The following FBXO11 variants were observed in gnomAD, a reference collection of about 807,000 sequenced individuals.
FBXO11 encodes F-box protein 11.
A neutral mutation model predicts 117.0 loss-of-function variants in FBXO11; 13 were observed. The observed-to-expected ratio is 0.11, with a 90% CI of 0.07 to 0.18. The LOEUF (loss-of-function observed/expected upper bound fraction) is 0.18. FBXO11 is among the 10% of genes least tolerant of loss of function. The pLI, the probability that FBXO11 is intolerant of heterozygous loss-of-function variation, is 1.00. For synonymous variants in FBXO11, 490 were observed against 380.5 expected (o/e 1.29, Z -3.35); for missense variants, 767 against 1,164.4 (o/e 0.66, Z 4.97).
intron 16 of FBXO11, among the ~76,000 whole-genome samples, chr2:47,817,270 GAA>G (rs1671071087): frequency 6.6e-6 from 1 of 152,210 alleles, no homozygotes; most frequent in Non-Finnish European, 1.5e-5. Context: ...TCATAGAACT[GAA>G]GAGAGTTGGG....
intron 11 of FBXO11, among the ~76,000 whole-genome samples, chr2:47,826,816 A>C (rs1357719856): frequency 6.6e-6 from 1 of 152,140 alleles, no homozygotes; most frequent in Non-Finnish European, 1.5e-5. Flanking sequence ...CCCAGGATGG[A>C]GTGCAGTGGC....
chr2:47,846,441 T>C (rs1043940578), intron 1 of FBXO11, among the ~76,000 whole-genome samples: 1 of 152,218 alleles, frequency 6.6e-6, no homozygotes, highest in African/African-American at 2.4e-5. Flanking sequence ...CACTCCAGCC[T>C]GGGCAACAAA....
In FBXO11 at chr2:47,839,910, T is replaced by C; in HGVS notation, c.233-141A>G. On this transcript the variant is annotated intron_variant, in intron 1 of 22. Transcript: ENST00000403359. ...GAAATTCCAACCAACTGGATAGCTA[T>C]ATGAAAGAAATGTTAGATTTCTATA... 4 of 654,120 alleles carry C rather than the reference T, an allele frequency of 6.1e-6. No individual in the cohort carries two copies. In the South Asian group the frequency reaches 6.6e-5, roughly 11 times the overall value. 40.5% of individuals were successfully genotyped at this position (654,120 alleles called of 1,614,324 possible).
intron 1 of FBXO11, among the ~76,000 whole-genome samples, chr2:47,895,029 T>C (rs1677551338): frequency 6.6e-6 from 1 of 152,170 alleles, no homozygotes. Flanking sequence ...AGATGCCATA[T>C]TCACACACCT....
intron 1 of FBXO11, among the ~76,000 whole-genome samples, chr2:47,878,772 G>C (rs1046059851): frequency 5.3e-5 from 8 of 151,332 alleles, no homozygotes; most frequent in Non-Finnish European, 1.2e-4. Context: ...GAGGTCAGGA[G>C]TTCGAGACCA....
chr2:47,884,077 G>A (rs535007866), intron 1 of FBXO11, among the ~76,000 whole-genome samples: 11 of 152,192 alleles, frequency 7.2e-5, no homozygotes, highest in African/African-American at 1.9e-4. Flanking sequence ...AAAGTTAGCC[G>A]GGCCTGTGAT....
chr2:47,888,237 G>A (rs1483399778), intron 1 of FBXO11, among the ~76,000 whole-genome samples: 1 of 152,072 alleles, frequency 6.6e-6, no homozygotes, highest in Non-Finnish European at 1.5e-5. Context: ...CTAGAATGAT[G>A]ATACAATTTT....
At chr2:47,866,173 G>T (rs1278143598) in intron 1 of FBXO11, among the ~76,000 whole-genome samples, 1 of 148,956 alleles carries the variant, frequency 6.7e-6, no homozygotes, top group African/African-American at 2.5e-5. Context: ...CTGAGCCCAG[G>T]AGTTTGAGGC....
chr2:47,900,921 T>TAC (rs1388449113), intron 1 of FBXO11, among the ~76,000 whole-genome samples: 1 of 145,198 alleles, frequency 6.9e-6, no homozygotes, highest in Non-Finnish European at 1.5e-5. Flanking sequence ...TGTATATATA[T>TAC]ACACGTATTT....
At chr2:47,853,117 G>C (rs1484563229) in intron 1 of FBXO11, among the ~76,000 whole-genome samples, 8 of 151,634 alleles carry the variant, frequency 5.3e-5, no homozygotes, top group Admixed American at 1.3e-4. Flanking sequence ...TGTCACCCAG[G>C]CTACAGTGCA....
rs1397134943 is a variant in FBXO11, at chr2:47,906,241, C to T, written c.-521G>A. ...GGCTCTTTTTTTTCCCTCTTCCTCC[C>T]CCCCACACCCCCTGAAAGAGATTTC... On this transcript the variant is annotated 5_prime_UTR_variant, in exon 1 of 23. Transcript: ENST00000403359. 1.2e-5 allele frequency: 2 copies of T among 166,142 alleles called. No individual in the cohort carries two copies. Among genetic ancestry groups the T allele is most frequent in the Non-Finnish European group, 2.6e-5 (2 of 76,900 alleles). The allele number at this position is 166,142 out of a possible 1,614,324, so 10.3% of individuals were successfully genotyped here. A position where few individuals can be genotyped will look rare whatever the true frequency, so the allele number is the denominator to read the frequency against.
intron 1 of FBXO11, among the ~76,000 whole-genome samples, chr2:47,879,163 G>A (rs905396377): frequency 2.0e-5 from 3 of 152,052 alleles, no homozygotes; most frequent in African/African-American, 7.2e-5. Flanking sequence ...TCCATTATAT[G>A]GTTTTTCCAT....
At chr2:47,883,680 G>C in intron 1 of FBXO11, 2 of 263,838 alleles carry the variant, frequency 7.6e-6, no homozygotes, top group Non-Finnish European at 1.5e-5. Context: ...ACTTTGTGAT[G>C]TTATCAAGGA....
At chr2:47,853,591 C>G (rs1674050346) in intron 1 of FBXO11, among the ~76,000 whole-genome samples, 1 of 152,076 alleles carries the variant, frequency 6.6e-6, no homozygotes, top group Admixed American at 6.6e-5. Context: ...TTAGTAGCCA[C>G]CCTGTTATCT....
In FBXO11 at chr2:47,835,979, A is replaced by G. The variant is rs1156342963; in HGVS notation, c.610T>C (p.Phe204Leu). 6.2e-7 allele frequency: 1 copy of G among 1,606,482 alleles called. No individual in the cohort carries two copies. The highest frequency in any genetic ancestry group is 2.2e-5 in the East Asian group (1 of 44,750). Residue 204 changes from phenylalanine to leucine, a missense_variant, in exon 5 of 23, where the codon TTT becomes CTT. Transcript: ENST00000403359. ...ILWKRLYMEV[F>L]EYTRPMMHPE... The stretch of plus-strand genomic sequence containing the variant: ...TGCATCATAGGGCGAGTATATTCAA[A>G]TACTTCCATATATAATCGTTTCCTG...
At chr2:47,904,321 C>T (rs1678562981) in intron 1 of FBXO11, among the ~76,000 whole-genome samples, 2 of 152,222 alleles carry the variant, frequency 1.3e-5, no homozygotes, top group Admixed American at 1.3e-4. Context: ...GTTCTGACCT[C>T]TACCACTACT....
intron 5 of FBXO11, 117 bp downstream of exon 5, chr2:47,835,755 C>T: frequency 1.5e-6 from 1 of 685,584 alleles, no homozygotes; most frequent in Non-Finnish European, 2.2e-6. Context: ...ACCTCGGCCT[C>T]CCAAGGTGCT....
chr2:47,852,278 C>T (rs1673931687), intron 1 of FBXO11, among the ~76,000 whole-genome samples: 1 of 152,180 alleles, frequency 6.6e-6, no homozygotes, highest in Non-Finnish European at 1.5e-5. Flanking sequence ...GTATGAGCCA[C>T]TGCGTCTGGC....
chr2:47,852,456 G>A (rs1673945242), intron 1 of FBXO11, among the ~76,000 whole-genome samples: 1 of 152,236 alleles, frequency 6.6e-6, no homozygotes, highest in South Asian at 2.1e-4. Flanking sequence ...GTAATCACCC[G>A]ACAAGAAAGG....
Sources: gnomAD v4.1 joint callset for allele counts (sites outside exome capture counted in the v4.1 genomes callset) on GRCh38, gnomAD v4.1.1 for gene constraint, MANE v1.5 for transcripts, NCBI Gene and HGNC (gene_info 2026-07-23, HGNC 2026-07-21) for gene names.